DRAP1: variants seen among roughly 807,000 people sequenced by gnomAD.
DRAP1 encodes dr1-associated corepressor.
Under a neutral mutation model 24.1 loss-of-function variants are expected in DRAP1, and 10 were observed. The observed-to-expected ratio is 0.41, with a 90% confidence interval of 0.26 to 0.70. The LOEUF (loss-of-function observed/expected upper bound fraction) is 0.70. Among genes scored for constraint, DRAP1 ranks in the 30% least tolerant of loss-of-function variants. The pLI is 0.29. For missense variants in DRAP1, 264 were observed against 275.6 expected (o/e 0.96, Z 0.30); for synonymous variants, 122 against 113.8 (o/e 1.07, Z -0.46).
At chr11:65,920,859 A>C (rs1854541916) in intron 5 of DRAP1, 25 bp from the exon 6 acceptor site, 10 of 1,600,026 alleles carry the variant, frequency 6.2e-6, no homozygotes, top group Non-Finnish European at 8.5e-6. Context: ...TTTCTTGTCA[A>C]CTCTGACCTC....
chr11:65,920,764 C>T (rs1184455510), intron 5 of DRAP1, 102 bp downstream of exon 5: 3 of 1,445,982 alleles, frequency 2.1e-6, no homozygotes, highest in Admixed American at 5.0e-5. Context: ...TTTTCTGCAA[C>T]CTGTTTGCTC....
intron 3 of DRAP1, 21 bp from the exon 4 acceptor site, chr11:65,920,322 G>A (rs772375916): frequency 6.2e-7 from 1 of 1,613,732 alleles, no homozygotes; most frequent in Non-Finnish European, 8.5e-7. Context: ...TTGAGTGCCA[G>A]CCCCTCCTCA....
Position 65,921,511 on chromosome 11 carries a change from G to A in DRAP1, c.*76G>A, listed in dbSNP as rs1446555395. On this transcript the variant is annotated 3_prime_UTR_variant, in exon 7 of 7. Coordinates refer to ENST00000312515, the MANE Select transcript of DRAP1 (RefSeq NM_006442.4). ...TGGGGGGAGGAGAGAAGGTAGAGCT[G>A]TTCTTAAATTTATTAAAAAAAAAAA... 12 of 629,314 alleles carry A rather than the reference G, an allele frequency of 1.9e-5. No individual in the cohort carries two copies. The highest frequency in any genetic ancestry group is 1.1e-4 in the African/African-American group (6 of 53,394). 39.0% of individuals were successfully genotyped at this position (629,314 alleles called of 1,614,324 possible).
At chr11:65,919,710 C>G in intron 1 of DRAP1, 70 bp from the exon 2 acceptor site, 3 of 1,592,286 alleles carry the variant, frequency 1.9e-6, no homozygotes, top group Non-Finnish European at 2.6e-6. Context: ...CCGGGGATGC[C>G]CCTTCCTCCC....
In DRAP1 at chr11:65,920,066, G is replaced by A. The variant is rs1160907333; in HGVS notation, c.209+25G>A. 5 of 1,609,138 alleles carry A rather than the reference G, an allele frequency of 3.1e-6. No individual in the cohort carries two copies. In the African/African-American group the frequency reaches 6.7e-5, roughly 22 times the overall value. On this transcript the variant is annotated intron_variant, in intron 3 of 6. Transcript: ENST00000312515. ...TGTGAGCGGCGAGGAGCCGGGAGGG[G>A]CCGGCGGGTTTGGCGCGGGGAGTTC...
At chr11:65,921,005 C>A in intron 6 of DRAP1, 33 bp downstream of exon 6, 2 of 1,529,164 alleles carry the variant, frequency 1.3e-6, no homozygotes, top group Non-Finnish European at 1.8e-6. Context: ...AGGGTGCTGG[C>A]AGACTCCCCA....
At position 65,920,680 on chromosome 11, in the gene DRAP1, C is replaced by A; in HGVS notation, c.423+18C>A. Reference sequence around the variant, plus strand: ...AGCAGGAGGTGAGTGAGGCCCCAGCCCTTCGCCCTGCCCTTGGTGATGGGA... The same window carrying A: ...AGCAGGAGGTGAGTGAGGCCCCAGCACTTCGCCCTGCCCTTGGTGATGGGA... On this transcript the variant is annotated intron_variant, in intron 5 of 6. Coordinates refer to ENST00000312515, the MANE Select transcript of DRAP1 (RefSeq NM_006442.4). 1 of 1,473,228 alleles carries A rather than the reference C, an allele frequency of 6.8e-7. No individual in the cohort carries two copies. The highest frequency in any genetic ancestry group is 1.4e-5 in the South Asian group (1 of 71,856). The allele number at this position is 1,473,228 out of a possible 1,614,324, so 91.3% of individuals were successfully genotyped here.
rs765216153 is a variant in DRAP1 at position 65,920,955 on chromosome 11, C to T, written c.495C>T (p.Pro165=). The T allele has an allele frequency of 3.1e-6, 5 of 1,611,392 alleles. No homozygotes were observed. The highest frequency in any genetic ancestry group is 4.5e-5 in the East Asian group (2 of 44,882). Residue 165 remains proline (P), a synonymous_variant, in exon 6 of 7, where the codon CCC becomes CCT. Coordinates refer to ENST00000312515, the MANE Select transcript of DRAP1 (RefSeq NM_006442.4). ...TSQPPPQASH[P]SAHFQSPPTP... ...AACCCCCACCCCAGGCCAGCCACCC[C>T]TCTGCCCACTTTCAGAGGTGAGCAG...
At chr11:65,919,894 G>C in intron 2 of DRAP1, 42 bp downstream of exon 2, 1 of 1,613,358 alleles carries the variant, frequency 6.2e-7, no homozygotes, top group Non-Finnish European at 8.5e-7. Flanking sequence ...GCGTGGGGGA[G>C]GGAGGCAGCG....
rs1352094293 is a variant in DRAP1, at chr11:65,919,806, G to A, written c.69G>A (p.Thr23=). 1.1e-5 allele frequency: 18 copies of A among 1,613,022 alleles called. No individual in the cohort carries two copies. Among genetic ancestry groups the A allele is most frequent in the South Asian group, 2.2e-5 (2 of 91,086 alleles). Residue 23 remains threonine (T), a synonymous_variant, in exon 2 of 7, where the codon ACG becomes ACA. Coordinates refer to ENST00000312515, the MANE Select transcript of DRAP1 (RefSeq NM_006442.4). ...PPARIKKIMQ[T]DEEIGKVAAA... The stretch of plus-strand genomic sequence containing the variant: ...CGCGGATCAAGAAGATCATGCAGAC[G>A]GACGAAGAGATTGGGAAGGTGGCGG...
At position 65,920,682 on chromosome 11, in the gene DRAP1, T is replaced by C; in HGVS notation, c.423+20T>C. 1 of 1,472,470 alleles carries C rather than the reference T, an allele frequency of 6.8e-7. No homozygotes were observed. The allele number at this position is 1,472,470 out of a possible 1,614,324, so 91.2% of individuals were successfully genotyped here. A position where few individuals can be genotyped will look rare whatever the true frequency, so the allele number is the denominator to read the frequency against. ...CAGGAGGTGAGTGAGGCCCCAGCCC[T>C]TCGCCCTGCCCTTGGTGATGGGACA... On this transcript the variant is annotated intron_variant, in intron 5 of 6. Coordinates refer to ENST00000312515, the MANE Select transcript of DRAP1 (RefSeq NM_006442.4).
rs914150459 is a variant in DRAP1 at position 65,919,428 on chromosome 11, G to T, written c.-74G>T. 1.4e-6 allele frequency: 2 copies of T among 1,458,838 alleles called. No individual in the cohort carries two copies. The highest frequency in any genetic ancestry group is 1.5e-5 in the African/African-American group (1 of 66,972). 90.4% of individuals were successfully genotyped at this position (1,458,838 alleles called of 1,614,324 possible). A position where few individuals can be genotyped will look rare whatever the true frequency, so the allele number is the denominator to read the frequency against. ...GACCCAGGGGAACCGCGACGGGCGG[G>T]CGGCGAGCAGGCCCGGGAGCCGGGA... is the stretch of plus-strand genomic sequence containing the variant. On this transcript the variant is annotated 5_prime_UTR_variant, in exon 1 of 7. Transcript: ENST00000312515.
chr11:65,919,522 G>A lies in DRAP1; in HGVS notation c.21G>A (p.Lys7=), dbSNP rs773907695. Residue 7 remains lysine, a synonymous_variant, in exon 1 of 7, where the codon AAG becomes AAA. Coordinates refer to ENST00000312515, the MANE Select transcript of DRAP1 (RefSeq NM_006442.4). MPSKKK[K]YNARFPPARI... ...CCGAGATGCCGAGCAAGAAGAAGAAGTACAACGCGCGGTTCCCGCCGGTGA... is the reference window on the plus strand; with the variant it reads ...CCGAGATGCCGAGCAAGAAGAAGAAATACAACGCGCGGTTCCCGCCGGTGA... 3.2e-6 allele frequency: 5 copies of A among 1,546,438 alleles called. No homozygotes were observed. In the South Asian group the frequency reaches 4.8e-5, roughly 15 times the overall value.
Position 65,921,429 on chromosome 11 carries a change from C to G in DRAP1, c.612C>G (p.Asp204Glu). The G allele has an allele frequency of 5.0e-6, 8 of 1,594,578 alleles. No individual in the cohort carries two copies. Among genetic ancestry groups the G allele is most frequent in the Non-Finnish European group, 6.0e-6 (7 of 1,162,804 alleles). Residue 204 changes from aspartate (D) to glutamate (E), a missense_variant, in exon 7 of 7, where the codon GAC (aspartate) becomes GAG (glutamate). Physicochemically the swap from Asp to Glu is conservative, Grantham distance 45 (BLOSUM62 2). This residue lies in a region of DRAP1 where 243 missense variants were observed against 233.6 expected (regional missense o/e 1.04). Coordinates refer to ENST00000312515, the MANE Select transcript of DRAP1 (RefSeq NM_006442.4). The stretch of plus-strand genomic sequence containing the variant: ...ATGAAGAGGACGAAGAAGATTACGA[C>G]TCCTAGCGCCTTCTGCCCCCCAGAC... ...APDEEDEEDYDS is the reference protein window; with the variant it reads ...APDEEDEEDYES
rs1430980275 is a variant in DRAP1 at position 65,919,465 on chromosome 11, G to C, written c.-37G>C. On this transcript the variant is annotated 5_prime_UTR_variant, in exon 1 of 7. Coordinates refer to ENST00000312515, the MANE Select transcript of DRAP1 (RefSeq NM_006442.4). The stretch of plus-strand genomic sequence containing the variant: ...CCCGGGAGCCGGGAGGCTGCGGGCG[G>C]CGGCGCTGGACCCGACGCGGCGAGA... 1 of 1,518,390 alleles carries C rather than the reference G, an allele frequency of 6.6e-7. No individual in the cohort carries two copies. Among genetic ancestry groups the C allele is most frequent in the Non-Finnish European group, 8.8e-7 (1 of 1,134,480 alleles). 94.1% of individuals were successfully genotyped at this position (1,518,390 alleles called of 1,614,324 possible). A position where few individuals can be genotyped will look rare whatever the true frequency, so the allele number is the denominator to read the frequency against.
At chr11:65,919,897 A>G in intron 2 of DRAP1, 45 bp downstream of exon 2, 1 of 1,613,224 alleles carries the variant, frequency 6.2e-7, no homozygotes, top group Non-Finnish European at 8.5e-7. Context: ...TGGGGGAGGG[A>G]GGCAGCGGGT....
chr11:65,920,134 C>A, intron 3 of DRAP1, 93 bp downstream of exon 3: 2 of 1,506,230 alleles, frequency 1.3e-6, no homozygotes, highest in Non-Finnish European at 1.8e-6. Flanking sequence ...GGGAGGTGGG[C>A]GGCAGCCGGG....
intron 5 of DRAP1, 66 bp from the exon 6 acceptor site, chr11:65,920,818 C>G (rs1854541194): frequency 6.6e-7 from 1 of 1,524,036 alleles, no homozygotes; most frequent in Admixed American, 1.9e-5. Flanking sequence ...CTACTGCTGT[C>G]CCTGCCACTC....
At chr11:65,920,297 G>A (rs1854531473) in intron 3 of DRAP1, 46 bp from the exon 4 acceptor site, 2 of 1,611,536 alleles carry the variant, frequency 1.2e-6, no homozygotes, top group East Asian at 2.2e-5. Flanking sequence ...GCGGGTTTGG[G>A]TGTCTGGGCC....
Sources: allele counts gnomAD v4.1 joint callset, GRCh38; gene constraint gnomAD v4.1.1; regional missense constraint gnomAD v4.1.1; transcripts MANE v1.5; gene names NCBI Gene and HGNC (gene_info 2026-07-23, HGNC 2026-07-21).